Variants in ERBB4 observed in about 807,000 individuals in gnomAD.
ERBB4 encodes receptor tyrosine-protein kinase erbB-4.
Under a neutral mutation model 158.0 loss-of-function variants are expected in ERBB4, and 42 were observed. The ratio of observed to expected loss-of-function variants is 0.27; its 90% CI spans 0.21 to 0.34. The LOEUF (loss-of-function observed/expected upper bound fraction) is 0.34. Ranked by LOEUF, ERBB4 falls within the 10% of genes least tolerant of loss-of-function variation. The probability of loss-of-function intolerance (pLI) is 1.00; values close to 1 mark genes in which losing one functional copy is unlikely to be tolerated. For missense variants in ERBB4, 1,333 were observed against 1,624.1 expected (o/e 0.82, Z 3.08); for synonymous variants, 583 against 558.7 (o/e 1.04, Z -0.61).
At chr2:212,432,873 G>A (rs950985057) in intron 1 of ERBB4, among the ~76,000 whole-genome samples, 6 of 152,020 alleles carry the variant, frequency 3.9e-5, no homozygotes, top group South Asian at 2.1e-4. Flanking sequence ...TCAGATGGTC[G>A]GTGAGGATAG....
intron 1 of ERBB4, among the ~76,000 whole-genome samples, chr2:212,224,852 T>C (rs550666927): frequency 9.9e-5 from 15 of 152,220 alleles, no homozygotes; most frequent in African/African-American, 3.6e-4. Context: ...TTGAAATATT[T>C]TGAATTTGCA....
chr2:211,733,688 A>C (rs1187755766), intron 5 of ERBB4, among the ~76,000 whole-genome samples: 3 of 151,650 alleles, frequency 2.0e-5, no homozygotes, highest in African/African-American at 7.3e-5. Flanking sequence ...CAAAAAAAAA[A>C]AATTTACTTT....
At chr2:211,746,516 T>C (rs1459875743) in intron 5 of ERBB4, among the ~76,000 whole-genome samples, 1 of 152,062 alleles carries the variant, frequency 6.6e-6, no homozygotes, top group Non-Finnish European at 1.5e-5. Flanking sequence ...CTCCCACCTG[T>C]GTTTGGTAGC....
rs71057412 is a variant in ERBB4 at position 212,446,591 on chromosome 2, GTATATATATATATATATATATA to G, written c.82+91836_82+91857del. Among the ~76,000 whole-genome samples the G allele has an allele frequency of 4.4e-4, 12 of 27,516 alleles. 1 individual carries two copies. The East Asian group carries it at 4.5e-3, about 10-fold the overall frequency. The allele number at this position is 27,516 out of a possible 152,430, so 18.1% of individuals were successfully genotyped here. A position where few individuals can be genotyped will look rare whatever the true frequency, so the allele number is the denominator to read the frequency against. ...TTAATAAACTCCCATATATATATAT[GTATATATATATATATATATATA>G]TATATATATATATATATATATATAT... On this transcript the variant is annotated intron_variant, in intron 1 of 27. Transcript: ENST00000342788.
At chr2:211,744,474 A>G (rs1293470441) in intron 5 of ERBB4, among the ~76,000 whole-genome samples, 1 of 152,234 alleles carries the variant, frequency 6.6e-6, no homozygotes, top group East Asian at 1.9e-4. Context: ...TCTTCTGTTT[A>G]AAACCTCTGG....
rs1258331057 is a variant in ERBB4 at position 211,985,785 on chromosome 2, C to A, written c.235-38169G>T. Among the ~76,000 whole-genome samples, 5 of 152,014 alleles carry A rather than the reference C, an allele frequency of 3.3e-5. No individual in the cohort carries two copies. The East Asian group carries it at 7.7e-4, about 24-fold the overall frequency. ...AATAATTCCAAATCTTATGGGCAGTCATACTAAAAATCTTGCTTAAGAGAA... is the reference window on the plus strand; with the variant it reads ...AATAATTCCAAATCTTATGGGCAGTAATACTAAAAATCTTGCTTAAGAGAA... On this transcript the variant is annotated intron_variant, in intron 2 of 27. Transcript: ENST00000342788.
intron 1 of ERBB4, among the ~76,000 whole-genome samples, chr2:212,493,968 C>T (rs541999395): frequency 1.7e-4 from 26 of 151,620 alleles, no homozygotes; most frequent in Non-Finnish European, 2.8e-4. Flanking sequence ...ATTCTTATTA[C>T]GGATTAAAAT....
At chr2:212,399,571 T>C (rs1161550737) in intron 1 of ERBB4, among the ~76,000 whole-genome samples, 11 of 26,528 alleles carry the variant, frequency 4.1e-4, no homozygotes, top group East Asian at 3.7e-3. Context: ...TATATATATA[T>C]ATATATATAT....
At chr2:212,056,359 G>T (rs756760076) in intron 2 of ERBB4, among the ~76,000 whole-genome samples, 34 of 152,244 alleles carry the variant, frequency 2.2e-4, no homozygotes, top group African/African-American at 7.2e-4. Context: ...ACTCTGCAGG[G>T]TATTATCCAG....
chr2:211,841,807 T>C (rs2077476037), intron 3 of ERBB4, among the ~76,000 whole-genome samples: 1 of 152,062 alleles, frequency 6.6e-6, no homozygotes, highest in Non-Finnish European at 1.5e-5. Context: ...TTTGACTTGA[T>C]TGGAATTAAA....
chr2:212,479,363 T>C (rs1194678281), intron 1 of ERBB4, among the ~76,000 whole-genome samples: 1 of 152,116 alleles, frequency 6.6e-6, no homozygotes, highest in Admixed American at 6.6e-5. Context: ...GGGCATCCTA[T>C]ACTTGTAAAC....
At position 211,581,308 on chromosome 2, in the gene ERBB4, T is replaced by TA. The variant is rs1006325934; in HGVS notation, c.2302-19221dup. On this transcript the variant is annotated intron_variant, in intron 19 of 27. Coordinates refer to ENST00000342788, the MANE Select transcript of ERBB4 (RefSeq NM_005235.3). ...ATAGAAAAATTAAAAGTAAAAAATTTAAAAAAAGAAAAACATTACATTTTA... is the reference window on the plus strand; with the variant it reads ...ATAGAAAAATTAAAAGTAAAAAATTTAAAAAAAAGAAAAACATTACATTTTA... Among the ~76,000 whole-genome samples the TA allele has an allele frequency of 9.9e-5, 15 of 151,704 alleles. No homozygotes were observed. The East Asian group carries it at 2.9e-3, about 29-fold the overall frequency.
chr2:212,438,052 T>C (rs1386172657), intron 1 of ERBB4, among the ~76,000 whole-genome samples: 1 of 152,078 alleles, frequency 6.6e-6, no homozygotes, highest in East Asian at 1.9e-4. Flanking sequence ...TAGAGTGAGT[T>C]GTACATTTAT....
chr2:211,576,310 C>G (rs1201541119), intron 19 of ERBB4, among the ~76,000 whole-genome samples: 2 of 152,100 alleles, frequency 1.3e-5, no homozygotes, highest in African/African-American at 4.8e-5. Flanking sequence ...AAAGGAGTAC[C>G]TCATAAAGAA....
chr2:211,750,795 C>A, intron 4 of ERBB4, 91 bp from the exon 5 acceptor site: 2 of 1,070,770 alleles, frequency 1.9e-6, no homozygotes, highest in Non-Finnish European at 2.9e-6. Flanking sequence ...TACTCCTGCT[C>A]CTTTATGAGG....
chr2:212,204,018 A>C (rs2105909038), intron 1 of ERBB4, among the ~76,000 whole-genome samples: 1 of 152,338 alleles, frequency 6.6e-6, no homozygotes, highest in Non-Finnish European at 1.5e-5. Flanking sequence ...ACATGCATGA[A>C]TGTTCTAAAA....
chr2:211,562,715 T>C (rs2067432526), intron 19 of ERBB4, among the ~76,000 whole-genome samples: 1 of 152,022 alleles, frequency 6.6e-6, no homozygotes, highest in South Asian at 2.1e-4. Flanking sequence ...TGATGTCTTA[T>C]TCATAGATTC....
intron 1 of ERBB4, among the ~76,000 whole-genome samples, chr2:212,413,212 T>C (rs1205966106): frequency 1.4e-5 from 2 of 143,550 alleles, no homozygotes; most frequent in Admixed American, 7.3e-5. Flanking sequence ...GGTCTCGAAC[T>C]CCTGACCTCG....
chr2:212,239,967 A>G (rs1344911164), intron 1 of ERBB4, among the ~76,000 whole-genome samples: 4 of 152,204 alleles, frequency 2.6e-5, no homozygotes, highest in Admixed American at 6.5e-5. Context: ...TAGCAGGATC[A>G]CCTAACAAGA....
Sources: gnomAD v4.1 joint callset for allele counts (sites outside exome capture counted in the v4.1 genomes callset) on GRCh38, gnomAD v4.1.1 for gene constraint, MANE v1.5 for transcripts, NCBI Gene and HGNC (gene_info 2026-07-23, HGNC 2026-07-21) for gene names.